Variants in STYXL1 observed in about 807,000 individuals in gnomAD.
STYXL1 encodes serine/threonine/tyrosine-interacting-like protein 1.
A neutral mutation model predicts 36.4 loss-of-function variants in STYXL1; 32 were observed. The observed-to-expected ratio is 0.88, with a 90% CI of 0.66 to 1.18. The LOEUF (loss-of-function observed/expected upper bound fraction) is 1.18, where lower values mean the gene tolerates loss of function less well. Among genes scored for constraint, STYXL1 ranks in the 50% most tolerant of loss-of-function variants. The pLI is 0.00. For missense variants in STYXL1, 354 were observed against 394.1 expected (o/e 0.90, Z 0.86); for synonymous variants, 133 against 144.1 (o/e 0.92, Z 0.55).
chr7:76,041,220 C>A (rs1796449424), intron 1 of STYXL1, among the ~76,000 whole-genome samples: 1 of 151,728 alleles, frequency 6.6e-6, no homozygotes, highest in South Asian at 2.1e-4. Flanking sequence ...AAATACTTCA[C>A]TTGATCTATG....
chr7:76,027,118 C>G (rs1395940976), intron 3 of STYXL1, among the ~76,000 whole-genome samples: 7 of 151,834 alleles, frequency 4.6e-5, no homozygotes, highest in African/African-American at 1.7e-4. Flanking sequence ...AGAGAACCTC[C>G]AAGTTCAGGG....
Position 76,000,955 on chromosome 7 carries a change from C to A in STYXL1, c.745G>T (p.Gly249Cys). The A allele has an allele frequency of 1.2e-6, 2 of 1,614,150 alleles. No homozygotes were observed. The highest frequency in any genetic ancestry group is 1.7e-6 in the Non-Finnish European group (2 of 1,180,010). Residue 249 changes from glycine (G) to cysteine (C), a missense_variant, in exon 8 of 9, where the codon GGT (glycine) becomes TGT (cysteine). Physicochemically the swap from Gly to Cys is radical, Grantham distance 159 (BLOSUM62 -3). Coordinates refer to ENST00000359697, the MANE Select transcript of STYXL1 (RefSeq NM_001317785.2). The part of the protein sequence containing the change: ...GSVILIFSTQ[G>C]ISRSCAAIIA... Reference sequence around the variant, plus strand: ...ATGGCGGCACAACTGCGGCTGATACCTTGGGTGGAAAAGATCAGAATGACA... The same window carrying A: ...ATGGCGGCACAACTGCGGCTGATACATTGGGTGGAAAAGATCAGAATGACA...
chr7:75,999,292 G>C (rs1790505412), intron 8 of STYXL1, among the ~76,000 whole-genome samples: 1 of 152,166 alleles, frequency 6.6e-6, no homozygotes, highest in Non-Finnish European at 1.5e-5. Flanking sequence ...ACTTATATAA[G>C]GTACCTAGAG....
chr7:76,029,798 G>A (rs1421606702), intron 2 of STYXL1, among the ~76,000 whole-genome samples: 6 of 151,988 alleles, frequency 3.9e-5, no homozygotes, highest in Non-Finnish European at 1.5e-5. Context: ...TAGGGTTTGC[G>A]CTCCTGTGAG....
intron 4 of STYXL1, among the ~76,000 whole-genome samples, chr7:76,021,265 T>A (rs1306321133): frequency 2.0e-5 from 3 of 151,958 alleles, no homozygotes; most frequent in Non-Finnish European, 2.9e-5. Flanking sequence ...GTGTATTTAG[T>A]AGAGACGGAG....
Position 76,042,390 on chromosome 7 carries a change from C to CTTTTTTTTTTTTTTTTTTTTTTTTTT in STYXL1, c.-5+5246_-5+5271dup, listed in dbSNP as rs528469396. On this transcript the variant is annotated intron_variant, in intron 1 of 8. Transcript: ENST00000359697. Reference sequence around the variant, plus strand: ...ACTGCTCCCTGGGTGCCCTTATGTGCTTTTTTTTTTTTTTTTTTTTTTTTT... The same window carrying CTTTTTTTTTTTTTTTTTTTTTTTTTT: ...ACTGCTCCCTGGGTGCCCTTATGTGCTTTTTTTTTTTTTTTTTTTTTTTTTTTTTTTTTTTTTTTTTTTTTTTTTTT... Among the ~76,000 whole-genome samples, 5 of 41,814 alleles carry CTTTTTTTTTTTTTTTTTTTTTTTTTT rather than the reference C, an allele frequency of 1.2e-4. 1 individual carries two copies. The highest frequency in any genetic ancestry group is 1.9e-4 in the African/African-American group (3 of 15,846). The allele number at this position is 41,814 out of a possible 152,430, so 27.4% of individuals were successfully genotyped here. A position where few individuals can be genotyped will look rare whatever the true frequency, so the allele number is the denominator to read the frequency against.
intron 4 of STYXL1, among the ~76,000 whole-genome samples, chr7:76,017,148 G>A (rs1170721796): frequency 4.0e-5 from 6 of 151,898 alleles, no homozygotes; most frequent in East Asian, 1.9e-4. Context: ...TCAGCCTCTC[G>A]AGTAGCTAGG....
At chr7:76,030,392 ACCT>A (rs782783536) in intron 2 of STYXL1, 26 bp downstream of exon 2, 4 of 1,526,970 alleles carry the variant, frequency 2.6e-6, no homozygotes, top group Non-Finnish European at 3.6e-6. Flanking sequence ...ACTGTGTTTG[ACCT>A]CCTCCGCTTT....
At chr7:76,045,902 GTACCTGGCAAGACTTAA>G (rs1325449735) in intron 1 of STYXL1, 1 of 152,124 alleles carries the variant, frequency 6.6e-6, no homozygotes, top group Non-Finnish European at 1.5e-5. Flanking sequence ...GAAAGACTTA[GTACCTGGCAAGACTTAA>G]TACCTGGCTC....
intron 3 of STYXL1, 101 bp from the exon 4 acceptor site, chr7:76,022,093 GCA>G: frequency 6.6e-7 from 1 of 1,519,496 alleles, no homozygotes; most frequent in South Asian, 1.3e-5. Flanking sequence ...AGCTAAGACC[GCA>G]CTCTCTCCCC....
At chr7:76,027,688 GA>G (rs1218394726) in intron 3 of STYXL1, among the ~76,000 whole-genome samples, 2 of 151,892 alleles carry the variant, frequency 1.3e-5, no homozygotes, top group African/African-American at 4.8e-5. Flanking sequence ...CATAAAAACA[GA>G]AAAAATAATT....
At chr7:76,045,272 C>G (rs1304024982) in intron 1 of STYXL1, 1 of 148,650 alleles carries the variant, frequency 6.7e-6, no homozygotes, top group African/African-American at 2.5e-5. Flanking sequence ...AGACCTTTGT[C>G]ATCCATAAAA....
At position 76,047,991 on chromosome 7, in the gene STYXL1, T is replaced by A; in HGVS notation, c.-334A>T. ...TGGTCCCACAGCTTTCCTTTCCGAC[T>A]CCCGGAAGTGGCCGTGATCTCACGA... is the stretch of plus-strand genomic sequence containing the variant. On this transcript the variant is annotated 5_prime_UTR_variant, in exon 1 of 9. Transcript: ENST00000359697. 1 of 1,491,048 alleles carries A rather than the reference T, an allele frequency of 6.7e-7. No individual in the cohort carries two copies. The highest frequency in any genetic ancestry group is 8.9e-7 in the Non-Finnish European group (1 of 1,121,248). The allele number at this position is 1,491,048 out of a possible 1,614,324, so 92.4% of individuals were successfully genotyped here. A position where few individuals can be genotyped will look rare whatever the true frequency, so the allele number is the denominator to read the frequency against.
intron 5 of STYXL1, among the ~76,000 whole-genome samples, chr7:76,007,631 A>T (rs2115584676): frequency 6.6e-6 from 1 of 152,162 alleles, no homozygotes; most frequent in African/African-American, 2.4e-5. Context: ...TCAAAGGTTC[A>T]AAGAAGTTGG....
chr7:76,032,831 G>T (rs1056280395), intron 1 of STYXL1, among the ~76,000 whole-genome samples: 26 of 152,180 alleles, frequency 1.7e-4, no homozygotes, highest in African/African-American at 5.8e-4. Flanking sequence ...GAGACAGAAG[G>T]TTGGGCAAGA....
chr7:76,023,588 G>A (rs1040387742), intron 3 of STYXL1, among the ~76,000 whole-genome samples: 1 of 152,002 alleles, frequency 6.6e-6, no homozygotes, highest in South Asian at 2.1e-4. Context: ...AAAGCCGGGT[G>A]TGGGAGGGTG....
At chr7:76,034,981 C>G (rs1268046998) in intron 1 of STYXL1, among the ~76,000 whole-genome samples, 1 of 130,642 alleles carries the variant, frequency 7.7e-6, no homozygotes, top group Non-Finnish European at 1.8e-5. Flanking sequence ...GTAAATACAG[C>G]ATGGCCGAAA....
intron 1 of STYXL1, among the ~76,000 whole-genome samples, chr7:76,043,731 A>C (rs1585361015): frequency 6.6e-6 from 1 of 152,198 alleles, no homozygotes; most frequent in Non-Finnish European, 1.5e-5. Flanking sequence ...CCAACACAGG[A>C]TGCCTCAGAA....
chr7:76,022,904 G>A (rs1554576615), intron 3 of STYXL1, among the ~76,000 whole-genome samples: 1 of 152,074 alleles, frequency 6.6e-6, no homozygotes, highest in East Asian at 1.9e-4. Context: ...TCCAGCCTGG[G>A]TAACAGAGTG....
Sources: gnomAD v4.1 joint callset for allele counts (sites outside exome capture counted in the v4.1 genomes callset) on GRCh38, gnomAD v4.1.1 for gene constraint, MANE v1.5 for transcripts, NCBI Gene and HGNC (gene_info 2026-07-23, HGNC 2026-07-21) for gene names.